BEST3: variants seen among roughly 807,000 people sequenced by gnomAD.
BEST3 encodes the protein bestrophin-3.
BEST3 carries 50 observed loss-of-function variants against 47.1 expected under a neutral mutation model. That is an observed-to-expected ratio of 1.06 (90% CI 0.85 to 1.34). BEST3 has a LOEUF of 1.34. BEST3 is among the 40% of genes most tolerant of loss of function. BEST3 has a pLI of 0.00. For missense variants in BEST3, 765 were observed against 817.0 expected (o/e 0.94, Z 0.78); for synonymous variants, 282 against 298.8 (o/e 0.94, Z 0.58).
intron 7 of BEST3, among the ~76,000 whole-genome samples, chr12:69,674,557 G>A (rs1468948368): frequency 6.6e-6 from 1 of 152,108 alleles, no homozygotes; most frequent in Non-Finnish European, 1.5e-5. Context: ...GCCCTTTCTT[G>A]CCTGGAGATT....
Position 69,655,571 on chromosome 12 carries a change from G to T in BEST3, c.1343C>A (p.Pro448His). ...TGGGAAGCAGGATTTCTTCCAGGTGGGTGAGGCCCTGGGGGGGTTTCTTGA... is the reference window on the plus strand; with the variant it reads ...TGGGAAGCAGGATTTCTTCCAGGTGTGTGAGGCCCTGGGGGGGTTTCTTGA... Reference protein sequence around the residue: ...VPSRNPPRASPTWKKSCFPEG... With the variant: ...VPSRNPPRASHTWKKSCFPEG... The change falls in exon 10 of 10, where the codon CCC becomes CAC. Residue 448 changes from proline (P) to histidine (H), a missense_variant. By Grantham distance (77) the Pro-to-His change is moderately conservative (BLOSUM62 -2). Coordinates refer to ENST00000330891, the MANE Select transcript of BEST3 (RefSeq NM_032735.3). 6.2e-7 allele frequency: 1 copy of T among 1,614,050 alleles called. No homozygotes were observed. Among genetic ancestry groups the T allele is most frequent in the Non-Finnish European group, 8.5e-7 (1 of 1,179,990 alleles).
intron 9 of BEST3, 81 bp downstream of exon 9, chr12:69,671,347 T>C (rs1593158351): frequency 1.8e-4 from 1 of 5,424 alleles, no homozygotes; most frequent in Non-Finnish European, 4.3e-4. Context: ...ATTTTATTTC[T>C]TTTTTTTTTT....
At position 69,693,705 on chromosome 12, in the gene BEST3, T is replaced by A. The variant is rs765189718; in HGVS notation, c.450A>T (p.Arg150Ser). Residue 150 changes from arginine (R) to serine (S), a missense_variant, in exon 4 of 10, where the codon AGA becomes AGT. Arg to Ser is a moderately radical substitution (Grantham distance 110). Transcript: ENST00000330891. ...FRSVSTAVYKRFPTMDHVVEA... is the reference protein window; with the variant it reads ...FRSVSTAVYKSFPTMDHVVEA... ...CAACCACGTGGTCCATTGTGGGAAA[T>A]CTTTTGTACACAGCAGTGCTCACCG... is the stretch of plus-strand genomic sequence containing the variant. 4 of 1,612,796 alleles carry A rather than the reference T, an allele frequency of 2.5e-6. No individual in the cohort carries two copies. Among genetic ancestry groups the A allele is most frequent in the African/African-American group, 1.3e-5 (1 of 74,998 alleles).
At chr12:69,695,699 T>A (rs891340242) in intron 2 of BEST3, among the ~76,000 whole-genome samples, 1 of 152,222 alleles carries the variant, frequency 6.6e-6, no homozygotes, top group African/African-American at 2.4e-5. Context: ...CTGACACTTA[T>A]GAATTTGGAC....
intron 4 of BEST3, among the ~76,000 whole-genome samples, chr12:69,691,505 G>A (rs539486407): frequency 1.3e-5 from 2 of 151,970 alleles, no homozygotes; most frequent in African/African-American, 4.8e-5. Flanking sequence ...CCAGGAAAAA[G>A]CAGTTGAGGC....
chr12:69,688,619 G>A (rs1231830675), intron 4 of BEST3, among the ~76,000 whole-genome samples: 2 of 152,158 alleles, frequency 1.3e-5, no homozygotes, highest in East Asian at 1.9e-4. Flanking sequence ...TTCAACCAGC[G>A]CCAGCCAAGA....
chr12:69,697,356 A>G (rs1289746380), intron 2 of BEST3, among the ~76,000 whole-genome samples: 2 of 152,210 alleles, frequency 1.3e-5, no homozygotes, highest in Non-Finnish European at 2.9e-5. Context: ...TTTACACAGT[A>G]AAGATCTAAG....
At position 69,677,004 on chromosome 12, in the gene BEST3, G is replaced by A. The variant is rs568405722; in HGVS notation, c.779C>T (p.Pro260Leu). Residue 260 changes from proline (P) to leucine (L), a missense_variant, in exon 7 of 10, where the codon CCC (proline) becomes CTC (leucine). By Grantham distance (98) the Pro-to-Leu change is moderately conservative (BLOSUM62 -3). Coordinates refer to ENST00000330891, the MANE Select transcript of BEST3 (RefSeq NM_032735.3). ...ACLIGRQFLD[P>L]TKGYAGHDLD... ...GTCATGCCCTGCGTAGCCTTTGGTG[G>A]GATCCAAAAACTGGCGTCCAATCAG... 1.2e-6 allele frequency: 2 copies of A among 1,614,110 alleles called. No homozygotes were observed. Among genetic ancestry groups the A allele is most frequent in the Non-Finnish European group, 8.5e-7 (1 of 1,179,998 alleles).
At chr12:69,656,633 A>G (rs963897563) in intron 9 of BEST3, among the ~76,000 whole-genome samples, 1 of 152,198 alleles carries the variant, frequency 6.6e-6, no homozygotes. Context: ...TCATTACAAT[A>G]CAGTGAGGTA....
At chr12:69,683,078 A>C (rs1885350062) in intron 4 of BEST3, among the ~76,000 whole-genome samples, 1 of 152,232 alleles carries the variant, frequency 6.6e-6, no homozygotes, top group African/African-American at 2.4e-5. Context: ...GAATAACTTT[A>C]TCTCTGGTTA....
At chr12:69,686,610 A>G (rs530645623) in intron 4 of BEST3, among the ~76,000 whole-genome samples, 23 of 152,082 alleles carry the variant, frequency 1.5e-4, no homozygotes, top group East Asian at 3.9e-4. Flanking sequence ...TGTCTCTACT[A>G]AAAATACAAA....
At chr12:69,647,398 C>T (rs1883073021) in intron 9 of BEST3, among the ~76,000 whole-genome samples, 1 of 152,194 alleles carries the variant, frequency 6.6e-6, no homozygotes, top group Admixed American at 6.5e-5. Flanking sequence ...AACGTCACCA[C>T]TCACAGGTAG....
rs753386089 is a variant in BEST3, at chr12:69,671,482, A to T, written c.1046T>A (p.Leu349Ter). Residue 349 changes from leucine (L) to a stop codon, truncating the protein, a stop_gained, in exon 9 of 10, where the codon TTG becomes TAG. Coordinates refer to ENST00000330891, the MANE Select transcript of BEST3 (RefSeq NM_032735.3). LOFTEE classifies it high-confidence loss of function. ...GGGTATGCAGTAGTCAGCAGCTGCC[A>T]ATGTGTATGGTGGGCGAGCAGCAGA... The part of the protein sequence containing the change: ...DDSAARPPYT[L>*]AAADYCIPSF... 20 of 1,613,980 alleles carry T rather than the reference A, an allele frequency of 1.2e-5. 1 individual carries two copies. The highest frequency in any genetic ancestry group is 1.1e-4 in the South Asian group (10 of 91,090).
intron 4 of BEST3, among the ~76,000 whole-genome samples, chr12:69,686,737 A>G (rs1016673506): frequency 2.7e-5 from 4 of 148,164 alleles, no homozygotes; most frequent in Non-Finnish European, 6.0e-5. Flanking sequence ...TCAACACTAT[A>G]CTCCAGCCTG....
chr12:69,678,313 G>T (rs75499548), intron 5 of BEST3, among the ~76,000 whole-genome samples: 6,017 of 152,126 alleles, frequency 0.04, 169 homozygotes, highest in African/African-American at 0.069. Context: ...TATCTGAAAG[G>T]CTGGCTTAAC....
At position 69,671,460 on chromosome 12, in the gene BEST3, T is replaced by TA; in HGVS notation, c.1067dup (p.Pro357ThrfsTer19). On this transcript the variant is annotated frameshift_variant, in exon 9 of 10. Coordinates refer to ENST00000330891, the MANE Select transcript of BEST3 (RefSeq NM_032735.3). LOFTEE classifies it low-confidence loss of function (END_TRUNC). The stretch of plus-strand genomic sequence containing the variant: ...GGACTGTTGACCCCAGAAATGAGGG[T>TA]ATGCAGTAGTCAGCAGCTGCCAATG... 6.2e-7 allele frequency: 1 copy of TA among 1,614,016 alleles called. No individual in the cohort carries two copies.
At chr12:69,691,926 T>C (rs561627751) in intron 4 of BEST3, among the ~76,000 whole-genome samples, 2 of 152,296 alleles carry the variant, frequency 1.3e-5, no homozygotes, top group East Asian at 3.9e-4. Flanking sequence ...AGTCAAAACT[T>C]GCCAGCTCCC....
At chr12:69,670,521 A>T in intron 9 of BEST3, 1 of 702,920 alleles carries the variant, frequency 1.4e-6, no homozygotes, top group Non-Finnish European at 2.6e-6. Flanking sequence ...GCCACAAACC[A>T]TCACTGATGG....
Position 69,653,618 on chromosome 12 carries a change from G to C in BEST3, c.*1289C>G, listed in dbSNP as rs1883285772. On this transcript the variant is annotated 3_prime_UTR_variant, in exon 10 of 10. Coordinates refer to ENST00000330891, the MANE Select transcript of BEST3 (RefSeq NM_032735.3). Reference sequence around the variant, plus strand: ...AGCACTCAATAAATGGTAGTTTTGAGGGTTATTTTATTTCTAAAGCCATAT... The same window carrying C: ...AGCACTCAATAAATGGTAGTTTTGACGGTTATTTTATTTCTAAAGCCATAT... 4 of 983,912 alleles carry C rather than the reference G, an allele frequency of 4.1e-6. No homozygotes were observed. Among genetic ancestry groups the C allele is most frequent in the Non-Finnish European group, 4.8e-6 (4 of 828,576 alleles). The allele number at this position is 983,912 out of a possible 1,614,324, so 60.9% of individuals were successfully genotyped here. A position where few individuals can be genotyped will look rare whatever the true frequency, so the allele number is the denominator to read the frequency against.
Sources: gnomAD v4.1 joint callset for allele counts (sites outside exome capture counted in the v4.1 genomes callset) on GRCh38, gnomAD v4.1.1 for gene constraint, MANE v1.5 for transcripts, NCBI Gene and HGNC (gene_info 2026-07-23, HGNC 2026-07-21) for gene names.